ATF6: variants seen among roughly 807,000 people sequenced by gnomAD.
The protein encoded by ATF6 is activating transcription factor 6.
Under a neutral mutation model 83.6 loss-of-function variants are expected in ATF6, and 53 were observed. That is an observed-to-expected ratio of 0.63 (90% CI 0.51 to 0.80). The LOEUF is 0.80. Ranked by LOEUF, ATF6 falls within the 30% of genes least tolerant of loss-of-function variation. The pLI is 0.00. For missense variants in ATF6, 744 were observed against 797.9 expected, an observed-to-expected ratio of 0.93 and a Z score of 0.81; for synonymous variants, 288 against 285.8, an observed-to-expected ratio of 1.01 and a Z score of -0.08.
intron 14 of ATF6, among the ~76,000 whole-genome samples, chr1:161,879,800 A>G (rs1687287731): frequency 6.6e-6 from 1 of 152,064 alleles, no homozygotes; most frequent in Non-Finnish European, 1.5e-5. Flanking sequence ...GAAGCAAAGT[A>G]TCATCCCTCT....
intron 4 of ATF6, among the ~76,000 whole-genome samples, chr1:161,789,734 C>T (rs1340909009): frequency 2.0e-5 from 3 of 152,084 alleles, no homozygotes; most frequent in Non-Finnish European, 2.9e-5. Context: ...AAGTATTCCT[C>T]GGATCCTTGT....
At chr1:161,847,773 T>C (rs1282754636) in intron 10 of ATF6, among the ~76,000 whole-genome samples, 1 of 152,118 alleles carries the variant, frequency 6.6e-6, no homozygotes, top group East Asian at 1.9e-4. Flanking sequence ...TTAAATCTAA[T>C]AGCCTTTGGA....
At chr1:161,837,867 T>C (rs553476295) in intron 9 of ATF6, among the ~76,000 whole-genome samples, 2 of 152,356 alleles carry the variant, frequency 1.3e-5, no homozygotes, top group African/African-American at 4.8e-5. Flanking sequence ...CTATTTGATA[T>C]ATGGATTAAT....
intron 14 of ATF6, among the ~76,000 whole-genome samples, chr1:161,887,206 G>C (rs1687442333): frequency 6.6e-6 from 1 of 151,722 alleles, no homozygotes; most frequent in South Asian, 2.1e-4. Flanking sequence ...CGAGTGGCTG[G>C]AATTACAGGC....
chr1:161,779,847 C>T (rs1404687447), intron 2 of ATF6, among the ~76,000 whole-genome samples: 5 of 152,088 alleles, frequency 3.3e-5, no homozygotes, highest in Admixed American at 2.0e-4. Context: ...AAGCGATTCT[C>T]ATGTCTCAGC....
intron 14 of ATF6, among the ~76,000 whole-genome samples, chr1:161,880,135 T>C (rs1055334967): frequency 2.0e-5 from 3 of 152,130 alleles, no homozygotes; most frequent in Non-Finnish European, 4.4e-5. Context: ...GAATCTAATT[T>C]TCTGTTATAT....
intron 15 of ATF6, among the ~76,000 whole-genome samples, chr1:161,919,313 G>A (rs1213861423): frequency 6.6e-6 from 1 of 152,130 alleles, no homozygotes; most frequent in Non-Finnish European, 1.5e-5. Context: ...TGGAACAGTG[G>A]ATGATGGACT....
chr1:161,834,995 T>C (rs771555100), intron 9 of ATF6, among the ~76,000 whole-genome samples: 12 of 152,178 alleles, frequency 7.9e-5, no homozygotes, highest in Non-Finnish European at 1.8e-4. Flanking sequence ...TGGGATGCAC[T>C]GAGAAGGGCA....
chr1:161,778,249 G>T lies in ATF6; in HGVS notation c.88G>T (p.Ala30Ser). The stretch of plus-strand genomic sequence containing the variant: ...TTCTTTTCCTTTGTCCAAAGATTCT[G>T]CTCTCTTTGCTGAACTCGGTTATTT... Reference protein sequence around the residue: ...FHRLDEDWDSALFAELGYFTD... With the variant: ...FHRLDEDWDSSLFAELGYFTD... The change falls in exon 2 of 16, where the codon GCT (alanine) becomes TCT (serine). Residue 30 changes from alanine to serine, a missense_variant. Ala to Ser is a moderately conservative substitution (Grantham distance 99). Coordinates refer to ENST00000367942, the MANE Select transcript of ATF6 (RefSeq NM_007348.4). 6.2e-7 allele frequency: 1 copy of T among 1,612,616 alleles called. No homozygotes were observed. Among genetic ancestry groups the T allele is most frequent in the Non-Finnish European group, 8.5e-7 (1 of 1,179,152 alleles).
chr1:161,846,883 TATC>T (rs1317838661), intron 10 of ATF6, among the ~76,000 whole-genome samples: 2 of 151,898 alleles, frequency 1.3e-5, no homozygotes, highest in Non-Finnish European at 2.9e-5. Context: ...TTATTTTATC[TATC>T]ATGTGTTTAT....
In ATF6 at chr1:161,818,214, A is replaced by G. The variant is rs565062362; in HGVS notation, c.910-1419A>G. Among the ~76,000 whole-genome samples the G allele has an allele frequency of 6.6e-5, 10 of 152,276 alleles. No homozygotes were observed. The South Asian group carries it at 2.1e-3, about 32-fold the overall frequency. The stretch of plus-strand genomic sequence containing the variant: ...CTTTTTAAAGTCCATTGCAAAATAT[A>G]TAGAAATTAGTAATTCAACCATCTG... On this transcript the variant is annotated intron_variant, in intron 7 of 15. Coordinates refer to ENST00000367942, the MANE Select transcript of ATF6 (RefSeq NM_007348.4).
chr1:161,880,237 G>A (rs892869322), intron 14 of ATF6, among the ~76,000 whole-genome samples: 1 of 152,012 alleles, frequency 6.6e-6, no homozygotes, highest in Non-Finnish European at 1.5e-5. Flanking sequence ...TTCTTTTAAG[G>A]TGAAGATTCA....
intron 9 of ATF6, among the ~76,000 whole-genome samples, chr1:161,832,802 C>A (rs897485149): frequency 1.3e-5 from 2 of 152,216 alleles, no homozygotes; most frequent in African/African-American, 2.4e-5. Flanking sequence ...GGAGGCCTTC[C>A]TGCCTCTGTA....
intron 4 of ATF6, among the ~76,000 whole-genome samples, chr1:161,790,007 A>AT (rs918896114): frequency 1.3e-5 from 2 of 151,510 alleles, no homozygotes; most frequent in African/African-American, 2.4e-5. Flanking sequence ...GGTCATTTAA[A>AT]TTTTTTTTTA....
chr1:161,892,997 G>A (rs868603210), intron 14 of ATF6, among the ~76,000 whole-genome samples: 2 of 151,992 alleles, frequency 1.3e-5, no homozygotes, highest in Non-Finnish European at 2.9e-5. Flanking sequence ...TCGTTGAGGG[G>A]AAGCCATTGT....
At chr1:161,817,383 G>A (rs753503959) in intron 7 of ATF6, among the ~76,000 whole-genome samples, 1 of 152,106 alleles carries the variant, frequency 6.6e-6, no homozygotes, top group East Asian at 1.9e-4. Flanking sequence ...ATGGACACTG[G>A]CATTCTAAGT....
chr1:161,883,209 T>TA (rs1361430020), intron 14 of ATF6, among the ~76,000 whole-genome samples: 1 of 152,018 alleles, frequency 6.6e-6, no homozygotes, highest in Non-Finnish European at 1.5e-5. Flanking sequence ...AATTTAGACT[T>TA]ACCCTTTTTC....
At chr1:161,792,791 G>C (rs760327068) in intron 6 of ATF6, among the ~76,000 whole-genome samples, 1 of 152,142 alleles carries the variant, frequency 6.6e-6, no homozygotes, top group African/African-American at 2.4e-5. Flanking sequence ...GTCATGAGGA[G>C]ACCTGAACTC....
Position 161,909,254 on chromosome 1 carries a change from C to T in ATF6, c.1720-3042C>T, listed in dbSNP as rs1306771798. On this transcript the variant is annotated intron_variant, in intron 14 of 15. Coordinates refer to ENST00000367942, the MANE Select transcript of ATF6 (RefSeq NM_007348.4). ...CAGCTTCTGTCTCATGGAACAAAGA[C>T]GGCTACTCCAGCTCTGGCAGTCATA... 3.3e-5 allele frequency among the ~76,000 whole-genome samples: 5 copies of T among 152,190 alleles called. 1 individual carries two copies. The highest frequency in any genetic ancestry group is 2.1e-4 in the South Asian group (1 of 4,832).
Sources: gnomAD v4.1 joint callset for allele counts (sites outside exome capture counted in the v4.1 genomes callset) on GRCh38, gnomAD v4.1.1 for gene constraint, MANE v1.5 for transcripts, NCBI Gene and HGNC (gene_info 2026-07-23, HGNC 2026-07-21) for gene names.